ANKRD30B: variants seen among roughly 807,000 people sequenced by gnomAD.
ANKRD30B encodes ankyrin repeat domain 30B.
A neutral mutation model predicts 202.2 loss-of-function variants in ANKRD30B; 144 were observed. The ratio of observed to expected loss-of-function variants is 0.71; its 90% CI spans 0.62 to 0.82. The LOEUF is 0.82. ANKRD30B is among the 40% of genes least tolerant of loss of function. The probability of loss-of-function intolerance (pLI) is 0.00; values close to 1 mark genes in which losing one functional copy is unlikely to be tolerated. For missense variants in ANKRD30B, 1,487 were observed against 1,669.1 expected (o/e 0.89, Z 1.90); for synonymous variants, 508 against 561.3 (o/e 0.91, Z 1.34).
chr18:14,838,447 T>C (rs1369859397), intron 36 of ANKRD30B, among the ~76,000 whole-genome samples: 11 of 152,328 alleles, frequency 7.2e-5, no homozygotes, highest in Middle Eastern at 3.4e-3. Flanking sequence ...TGGATAAACA[T>C]GAGAAATAGG....
At chr18:14,786,912 C>G in intron 14 of ANKRD30B, 127 bp from the exon 15 acceptor site, 1 of 918,574 alleles carries the variant, frequency 1.1e-6, no homozygotes, top group Non-Finnish European at 1.6e-6. Flanking sequence ...CTGTAATCAA[C>G]AAAAAGAATA....
At chr18:14,818,693 A>C (rs1255445086) in intron 30 of ANKRD30B, among the ~76,000 whole-genome samples, 2 of 152,002 alleles carry the variant, frequency 1.3e-5, no homozygotes, top group Non-Finnish European at 2.9e-5. Context: ...ACATGAACTC[A>C]TCATTTTTTA....
chr18:14,865,836 T>C, the ANKRD30B span, among the ~76,000 whole-genome samples: 1 of 152,196 alleles, frequency 6.6e-6, no homozygotes, highest in Non-Finnish European at 1.5e-5. Context: ...CAGTCTGTCC[T>C]GGTCCTCTAA....
At chr18:14,929,114 A>T in the ANKRD30B span, among the ~76,000 whole-genome samples, 2 of 152,208 alleles carry the variant, frequency 1.3e-5, no homozygotes, top group African/African-American at 2.4e-5. Context: ...CTGTTCCTTC[A>T]TCCAGGCTTT....
In ANKRD30B at chr18:14,773,661, C is replaced by CT. The variant is rs36017456; in HGVS notation, c.1329+1447dup. Reference sequence around the variant, plus strand: ...AATAATTTTAATCTCAACTCATGTTCTTTTTTTTTTTTTTGAGACAGAGTC... The same window carrying CT: ...AATAATTTTAATCTCAACTCATGTTCTTTTTTTTTTTTTTTGAGACAGAGTC... On this transcript the variant is annotated intron_variant, in intron 9 of 43. Transcript: ENST00000690538. 9.1e-4 allele frequency among the ~76,000 whole-genome samples: 129 copies of CT among 141,228 alleles called. 1 individual carries two copies. Among genetic ancestry groups the CT allele is most frequent in the African/African-American group, 2.1e-3 (82 of 38,144 alleles). The allele number at this position is 141,228 out of a possible 152,430, so 92.7% of individuals were successfully genotyped here.
rs558583305 is a variant in ANKRD30B at position 14,810,387 on chromosome 18, G to A, written c.2488+207G>A. On this transcript the variant is annotated intron_variant, in intron 28 of 43. Transcript: ENST00000690538. ...GATTTAGAAAAAAATTCTGCTTTAC[G>A]TCATGTGGTTCTTCTTTAATATCCC... Among the ~76,000 whole-genome samples the A allele has an allele frequency of 4.6e-5, 7 of 151,350 alleles. 1 individual carries two copies. Among genetic ancestry groups the A allele is most frequent in the South Asian group, 2.1e-4 (1 of 4,748 alleles).
chr18:14,774,581 T>C (rs1170495736), intron 9 of ANKRD30B, among the ~76,000 whole-genome samples: 1 of 152,160 alleles, frequency 6.6e-6, no homozygotes, highest in Admixed American at 6.5e-5. Context: ...TACAATTATT[T>C]ATACTTAGCT....
At chr18:14,883,369 GTCTCTCTC>G in the ANKRD30B span, among the ~76,000 whole-genome samples, 355 of 84,618 alleles carry the variant, frequency 4.2e-3, 3 homozygotes, top group Non-Finnish European at 6.1e-3. Flanking sequence ...CTGTCTGTCT[GTCTCTCTC>G]TCTCTCTCTC....
rs760611544 is a variant in ANKRD30B, at chr18:14,782,556, A to G, written c.1512A>G (p.Gln504=). The G allele has an allele frequency of 6.3e-7, 1 of 1,591,334 alleles. No homozygotes were observed. The highest frequency in any genetic ancestry group is 8.5e-7 in the Non-Finnish European group (1 of 1,172,698). ...TCTTTGAGAGTTCTGCAAAGACTCA[A>G]GTGTGTATACCTGAGTCTATGTATC... The part of the protein sequence containing the change: ...GSLFESSAKT[Q]VCIPESMYQK... The change falls in exon 12 of 44, where the codon CAA becomes CAG. Residue 504 remains glutamine, a synonymous_variant. Coordinates refer to ENST00000690538, the MANE Select transcript of ANKRD30B (RefSeq NM_001367607.2).
chr18:14,940,515 GC>G, the ANKRD30B span, among the ~76,000 whole-genome samples: 1 of 152,252 alleles, frequency 6.6e-6, no homozygotes, highest in Non-Finnish European at 1.5e-5. Context: ...TGTTCATCCA[GC>G]CAGGTGTTAT....
intron 35 of ANKRD30B, 21 bp from the exon 36 acceptor site, chr18:14,837,594 T>C (rs1412656473): frequency 1.3e-6 from 2 of 1,492,436 alleles, no homozygotes; most frequent in African/African-American, 2.9e-5. Flanking sequence ...CATATACATG[T>C]CTGTGAATAA....
the ANKRD30B span, among the ~76,000 whole-genome samples, chr18:14,932,222 G>C: frequency 6.6e-6 from 1 of 151,764 alleles, no homozygotes; most frequent in Non-Finnish European, 1.5e-5. Context: ...GGGGGCTCCT[G>C]CCTGGCGTCA....
intron 36 of ANKRD30B, among the ~76,000 whole-genome samples, chr18:14,838,100 G>T (rs1378369151): frequency 6.6e-6 from 1 of 152,226 alleles, no homozygotes; most frequent in East Asian, 1.9e-4. Flanking sequence ...GATAACATCT[G>T]CATAGTGCAA....
the ANKRD30B span, chr18:14,890,051 T>C: frequency 2.1e-4 from 263 of 1,278,636 alleles, 1 homozygote; most frequent in Admixed American, 3.9e-4. Context: ...CCCCTTTGAT[T>C]GCCACAATCC....
intron 34 of ANKRD30B, among the ~76,000 whole-genome samples, chr18:14,835,305 C>A (rs987665950): frequency 1.2e-4 from 18 of 151,600 alleles, no homozygotes; most frequent in East Asian, 5.8e-4. Flanking sequence ...TGAATGTAAT[C>A]AGTATTTGTC....
intron 30 of ANKRD30B, among the ~76,000 whole-genome samples, chr18:14,817,552 C>T (rs567063929): frequency 6.6e-6 from 1 of 152,254 alleles, no homozygotes; most frequent in East Asian, 1.9e-4. Context: ...TGTTTCATCT[C>T]TGCATGTTTT....
chr18:14,898,262 A>G, the ANKRD30B span, among the ~76,000 whole-genome samples: 3 of 152,160 alleles, frequency 2.0e-5, no homozygotes, highest in Non-Finnish European at 4.4e-5. Context: ...GTGTGAGACG[A>G]TACTCTAAAC....
intron 22 of ANKRD30B, among the ~76,000 whole-genome samples, chr18:14,799,885 G>A (rs1969201964): frequency 6.6e-6 from 1 of 151,994 alleles, no homozygotes; most frequent in South Asian, 2.1e-4. Context: ...TTGCCTAGAG[G>A]TACAAAACAG....
rs1455326200 is a variant in ANKRD30B, at chr18:14,751,509, C to G, written c.222-1057C>G. Among the ~76,000 whole-genome samples the G allele has an allele frequency of 2.7e-5, 4 of 149,968 alleles. No homozygotes were observed. In the South Asian group the frequency reaches 8.5e-4, roughly 32 times the overall value. ...TCTCATGTTTCAAACAAAAACACTT[C>G]TGAAGTGAGAAACGAGTAAAAGATA... On this transcript the variant is annotated intron_variant, in intron 1 of 43. Transcript: ENST00000690538.
Sources: allele counts gnomAD v4.1 joint callset (sites outside exome capture counted in the v4.1 genomes callset), GRCh38; gene constraint gnomAD v4.1.1; transcripts MANE v1.5; gene names NCBI Gene and HGNC (gene_info 2026-07-23, HGNC 2026-07-21).